FAM114A1: variants seen among roughly 807,000 people sequenced by gnomAD.
The protein encoded by FAM114A1 is protein NOXP20.
In FAM114A1, 62 loss-of-function variants were observed where a neutral mutation model predicts 64.3. That is an observed-to-expected ratio of 0.96 (90% CI 0.79 to 1.19). The LOEUF is 1.19. Ranked by LOEUF, FAM114A1 falls within the 50% of genes most tolerant of loss-of-function variation. The pLI is 0.00. For missense variants in FAM114A1, 645 were observed against 676.3 expected (o/e 0.95, Z 0.51); for synonymous variants, 254 against 251.1 (o/e 1.01, Z -0.11).
intron 4 of FAM114A1, among the ~76,000 whole-genome samples, chr4:38,904,705 T>C (rs1188600953): frequency 6.6e-6 from 1 of 152,230 alleles, no homozygotes; most frequent in African/African-American, 2.4e-5. Flanking sequence ...AGAAACATTC[T>C]GAGGCTCAGG....
intron 2 of FAM114A1, among the ~76,000 whole-genome samples, chr4:38,876,659 A>C (rs1273511548): frequency 6.6e-6 from 1 of 152,238 alleles, no homozygotes; most frequent in Non-Finnish European, 1.5e-5. Context: ...GACAAATTAC[A>C]ACTAACTTCA....
At chr4:38,936,336 C>T (rs746795897) in intron 13 of FAM114A1, among the ~76,000 whole-genome samples, 1 of 151,824 alleles carries the variant, frequency 6.6e-6, no homozygotes, top group African/African-American at 2.4e-5. Context: ...CCTCGTGATC[C>T]GCCCACCTCG....
chr4:38,940,933 C>A, intron 13 of FAM114A1, 35 bp from the exon 14 acceptor site: 1 of 1,610,616 alleles, frequency 6.2e-7, no homozygotes, highest in Non-Finnish European at 8.5e-7. Flanking sequence ...AGTATGAGCA[C>A]CTAATCTGTC....
intron 3 of FAM114A1, among the ~76,000 whole-genome samples, chr4:38,889,546 T>C (rs1230841562): frequency 6.6e-6 from 1 of 152,224 alleles, no homozygotes; most frequent in East Asian, 1.9e-4. Flanking sequence ...TTTCTTTTGA[T>C]CTTCACGAAC....
At chr4:38,877,743 T>C (rs1714788819) in intron 2 of FAM114A1, among the ~76,000 whole-genome samples, 1 of 152,162 alleles carries the variant, frequency 6.6e-6, no homozygotes, top group African/African-American at 2.4e-5. Flanking sequence ...GGTGGGTGGA[T>C]CACCTGAGGT....
intron 7 of FAM114A1, chr4:38,914,698 T>C (rs1257273914): frequency 7.7e-5 from 36 of 466,898 alleles, no homozygotes; most frequent in Non-Finnish European, 1.2e-4. Context: ...ATTTTTGCTT[T>C]GTTTTGCCTT....
rs1428823585 is a variant in FAM114A1, at chr4:38,914,950, G to A, written c.822G>A (p.Lys274=). The change falls in exon 8 of 15, where the codon AAG becomes AAA. Residue 274 remains lysine, a synonymous_variant. Coordinates refer to ENST00000358869, the MANE Select transcript of FAM114A1 (RefSeq NM_138389.4). Reference sequence around the variant, plus strand: ...TAAGGGAAGCTAAGGAGAAGGAGAAGCAGAGACTGGCACAGCAGCTCACGA... The same window carrying A: ...TAAGGGAAGCTAAGGAGAAGGAGAAACAGAGACTGGCACAGCAGCTCACGA... ...QMLREAKEKE[K]QRLAQQLTME... is the part of the protein sequence containing the mutation. 1.2e-6 allele frequency: 2 copies of A among 1,613,994 alleles called. No individual in the cohort carries two copies. The highest frequency in any genetic ancestry group is 1.7e-6 in the Non-Finnish European group (2 of 1,180,014).
At chr4:38,897,585 T>C (rs1050591595) in intron 4 of FAM114A1, among the ~76,000 whole-genome samples, 1 of 152,208 alleles carries the variant, frequency 6.6e-6, no homozygotes, top group Non-Finnish European at 1.5e-5. Flanking sequence ...TCTTAGAAGA[T>C]TTGATCACCT....
At chr4:38,888,449 G>C (rs938203201) in intron 3 of FAM114A1, among the ~76,000 whole-genome samples, 1 of 152,114 alleles carries the variant, frequency 6.6e-6, no homozygotes, top group Admixed American at 6.6e-5. Flanking sequence ...CTTAAGCCCA[G>C]GAGTTGGAGG....
At chr4:38,882,961 C>T (rs929639120) in intron 3 of FAM114A1, among the ~76,000 whole-genome samples, 4 of 152,018 alleles carry the variant, frequency 2.6e-5, no homozygotes, top group African/African-American at 4.8e-5. Context: ...TTTATGCACT[C>T]GGATAAACTA....
At chr4:38,902,997 AAAGCTG>A (rs1233815691) in intron 4 of FAM114A1, among the ~76,000 whole-genome samples, 1 of 152,214 alleles carries the variant, frequency 6.6e-6, no homozygotes, top group Non-Finnish European at 1.5e-5. Flanking sequence ...ACATAAATAT[AAAGCTG>A]AACTTTATAT....
At chr4:38,885,547 G>A (rs1383476924) in intron 3 of FAM114A1, among the ~76,000 whole-genome samples, 2 of 152,200 alleles carry the variant, frequency 1.3e-5, no homozygotes, top group Non-Finnish European at 2.9e-5. Context: ...AAAGTGCTGA[G>A]ATTATAGGAG....
chr4:38,870,293 C>T (rs1358884896), intron 2 of FAM114A1, among the ~76,000 whole-genome samples: 1 of 152,202 alleles, frequency 6.6e-6, no homozygotes, highest in African/African-American at 2.4e-5. Flanking sequence ...GCCTGAATCA[C>T]CACATCAAAG....
At chr4:38,876,873 G>A (rs80227559) in intron 2 of FAM114A1, among the ~76,000 whole-genome samples, 4,805 of 152,250 alleles carry the variant, frequency 0.032, 167 homozygotes, top group Admixed American at 0.095. Context: ...TTTGAAGTGC[G>A]TCACTCCAGC....
At chr4:38,902,981 G>A (rs1480821969) in intron 4 of FAM114A1, among the ~76,000 whole-genome samples, 6 of 152,016 alleles carry the variant, frequency 3.9e-5, no homozygotes, top group Admixed American at 2.0e-4. Flanking sequence ...AAAAATTATA[G>A]CTCATACATA....
intron 13 of FAM114A1, 53 bp from the exon 14 acceptor site, chr4:38,940,915 A>AAC: frequency 6.3e-7 from 1 of 1,577,790 alleles, no homozygotes; most frequent in Non-Finnish European, 8.7e-7. Flanking sequence ...TTACGTGGCA[A>AAC]GCCTTGTAGT....
At chr4:38,872,637 C>T (rs950268021) in intron 2 of FAM114A1, among the ~76,000 whole-genome samples, 4 of 152,174 alleles carry the variant, frequency 2.6e-5, no homozygotes, top group Admixed American at 6.5e-5. Flanking sequence ...TGTGTCCATA[C>T]GACTCATGTG....
chr4:38,874,957 T>G (rs1428606005), intron 2 of FAM114A1, among the ~76,000 whole-genome samples: 1 of 152,198 alleles, frequency 6.6e-6, no homozygotes. Context: ...TTGTCATTGT[T>G]GGCTTTGTCA....
intron 2 of FAM114A1, among the ~76,000 whole-genome samples, chr4:38,876,647 G>A (rs1215193344): frequency 2.0e-5 from 3 of 152,226 alleles, no homozygotes; most frequent in East Asian, 1.9e-4. Flanking sequence ...TATCAGTGCT[G>A]TGACAAATTA....
Sources: allele counts gnomAD v4.1 joint callset (sites outside exome capture counted in the v4.1 genomes callset), GRCh38; gene constraint gnomAD v4.1.1; transcripts MANE v1.5; gene names NCBI Gene and HGNC (gene_info 2026-07-23, HGNC 2026-07-21).